Variants in SMG1 observed in about 807,000 individuals in gnomAD.
SMG1 encodes serine/threonine-protein kinase SMG1.
In SMG1, 22 loss-of-function variants were observed where a neutral mutation model predicts 419.9. The ratio of observed to expected loss-of-function variants is 0.05; its 90% confidence interval spans 0.04 to 0.07. The LOEUF (loss-of-function observed/expected upper bound fraction) is 0.07. SMG1 is among the 10% of genes least tolerant of loss of function. The pLI is 1.00. For synonymous variants in SMG1, 1,538 were observed against 1,553.5 expected (o/e 0.99, Z 0.23); for missense variants, 3,185 against 4,342.0 (o/e 0.73, Z 7.49).
intron 33 of SMG1, among the ~76,000 whole-genome samples, chr16:18,851,485 C>G (rs1344542703): frequency 1.3e-5 from 2 of 152,208 alleles, no homozygotes; most frequent in African/African-American, 2.4e-5. Flanking sequence ...AAGCTCACAA[C>G]CAAGGATTAA....
chr16:18,838,987 T>TTTTTG (rs1420215184), intron 42 of SMG1, among the ~76,000 whole-genome samples: 1 of 152,066 alleles, frequency 6.6e-6, no homozygotes, highest in Non-Finnish European at 1.5e-5. Context: ...TTTATTCTTT[T>TTTTTG]TTTTGTTTTG....
chr16:18,852,155 T>C lies in SMG1; in HGVS notation c.4964A>G (p.Asn1655Ser), dbSNP rs757662790. 4.3e-6 allele frequency: 7 copies of C among 1,613,920 alleles called. No individual in the cohort carries two copies. The highest frequency in any genetic ancestry group is 2.2e-5 in the South Asian group (2 of 91,072). Reference sequence around the variant, plus strand: ...CTCAGTTATAGTGTCTGGAAGTAGATTCTGAACTTCAGATTTTTCTCTAGG... The same window carrying C: ...CTCAGTTATAGTGTCTGGAAGTAGACTCTGAACTTCAGATTTTTCTCTAGG... ...LLPREKSEVQNLLPDTITEEE... is the reference protein window; with the variant it reads ...LLPREKSEVQSLLPDTITEEE... Residue 1655 changes from asparagine to serine, a missense_variant, in exon 33 of 63, where the codon AAT becomes AGT. Around this residue, in one of 27 missense-constraint regions of SMG1, gnomAD observed 493 missense variants for 552.9 expected, o/e 0.89. Coordinates refer to ENST00000446231, the MANE Select transcript of SMG1 (RefSeq NM_015092.5).
At position 18,809,076 on chromosome 16, in the gene SMG1, T is replaced by C. The variant is rs1238209834; in HGVS notation, c.*493A>G. 1.2e-5 allele frequency: 2 copies of C among 160,116 alleles called. No homozygotes were observed. Among genetic ancestry groups the C allele is most frequent in the Non-Finnish European group, 2.8e-5 (2 of 72,170 alleles). 9.9% of individuals were successfully genotyped at this position (160,116 alleles called of 1,614,324 possible). A position where few individuals can be genotyped will look rare whatever the true frequency, so the allele number is the denominator to read the frequency against. ...ACTTACTGGTCAACCCAACCAGTAC[T>C]GTTGCCAAGCAACAAGTGTTACACG... On this transcript the variant is annotated 3_prime_UTR_variant, in exon 63 of 63. Transcript: ENST00000446231.
chr16:18,901,360 C>T (rs4992983), intron 1 of SMG1, among the ~76,000 whole-genome samples: 27,957 of 151,732 alleles, frequency 0.18, 2,667 homozygotes, highest in Middle Eastern at 0.25. Flanking sequence ...TGCATGCCAC[C>T]CCATTTAGCT....
chr16:18,810,039 A>G (rs896411990), intron 62 of SMG1, among the ~76,000 whole-genome samples: 6 of 152,132 alleles, frequency 3.9e-5, no homozygotes, highest in Admixed American at 6.5e-5. Flanking sequence ...CAAGAATATA[A>G]TAGTGTTTAA....
intron 25 of SMG1, 164 bp from the exon 26 acceptor site, chr16:18,860,940 A>C: frequency 1.9e-6 from 1 of 515,182 alleles, no homozygotes. Flanking sequence ...TTTTATGTTG[A>C]AGATGTGACT....
intron 31 of SMG1, among the ~76,000 whole-genome samples, chr16:18,852,664 T>C (rs991820124): frequency 6.6e-6 from 1 of 152,222 alleles, no homozygotes; most frequent in East Asian, 1.9e-4. Flanking sequence ...ATGAATTCAT[T>C]AGCTTCCCAA....
At chr16:18,887,516 C>CTTTGGTTTTTT (rs749197007) in intron 6 of SMG1, among the ~76,000 whole-genome samples, 10 of 110,140 alleles carry the variant, frequency 9.1e-5, no homozygotes, top group Non-Finnish European at 1.6e-4. Flanking sequence ...TTTTTTTTTC[C>CTTTGGTTTTTT]TTTTTTTTTT....
Position 18,896,966 on chromosome 16 carries a change from G to A in SMG1, c.93-10C>T, listed in dbSNP as rs756838958. On this transcript the variant is annotated splice_polypyrimidine_tract_variant and intron_variant, in intron 1 of 62. Coordinates refer to ENST00000446231, the MANE Select transcript of SMG1 (RefSeq NM_015092.5). ...TGATGCACTATCAGTTCTATAAAAA[G>A]AGAAAAGTTTAAGATTAGAACTTTA... 4 of 1,518,676 alleles carry A rather than the reference G, an allele frequency of 2.6e-6. No homozygotes were observed. The South Asian group carries it at 3.7e-5, about 14-fold the overall frequency. The allele number at this position is 1,518,676 out of a possible 1,614,324, so 94.1% of individuals were successfully genotyped here. A position where few individuals can be genotyped will look rare whatever the true frequency, so the allele number is the denominator to read the frequency against.
chr16:18,885,253 G>C, intron 7 of SMG1, 91 bp from the exon 8 acceptor site: 1 of 670,224 alleles, frequency 1.5e-6, no homozygotes, highest in Non-Finnish European at 2.5e-6. Flanking sequence ...GATCCTAAAA[G>C]GAGCATCTAT....
intron 1 of SMG1, 121 bp from the exon 2 acceptor site, chr16:18,897,077 T>C (rs1203651670): frequency 2.0e-5 from 13 of 640,306 alleles, no homozygotes; most frequent in East Asian, 2.9e-5. Flanking sequence ...TAATATGTAC[T>C]ATATATTATA....
intron 6 of SMG1, among the ~76,000 whole-genome samples, chr16:18,886,085 C>T (rs1412430957): frequency 6.6e-6 from 1 of 152,086 alleles, no homozygotes; most frequent in Admixed American, 6.6e-5. Flanking sequence ...TAACATTAGT[C>T]CTTAATAACA....
chr16:18,913,025 T>C (rs552052069), intron 1 of SMG1, among the ~76,000 whole-genome samples: 19 of 152,270 alleles, frequency 1.2e-4, no homozygotes, highest in Non-Finnish European at 2.1e-4. Flanking sequence ...CTGGGTGATA[T>C]TGGTGATCAT....
intron 1 of SMG1, 200 bp downstream of exon 1, chr16:18,925,750 A>G: frequency 2.5e-6 from 1 of 394,696 alleles, no homozygotes; most frequent in Non-Finnish European, 4.5e-6. Flanking sequence ...CGGGCTGAAC[A>G]AGCAGGGAGG....
rs952642081 is a variant in SMG1 at position 18,835,284 on chromosome 16, G to C, written c.8058-120C>G. 2.8e-6 allele frequency: 3 copies of C among 1,079,136 alleles called. No individual in the cohort carries two copies. In the African/African-American group the frequency reaches 4.8e-5, roughly 17 times the overall value. The allele number at this position is 1,079,136 out of a possible 1,614,324, so 66.8% of individuals were successfully genotyped here. On this transcript the variant is annotated intron_variant, in intron 48 of 62. Transcript: ENST00000446231. Reference sequence around the variant, plus strand: ...TAGAAATCATTATTTACATTTTACAGATAAAAATGTCTCAAGAGCTTAAGC... The same window carrying C: ...TAGAAATCATTATTTACATTTTACACATAAAAATGTCTCAAGAGCTTAAGC...
chr16:18,830,421 G>A, intron 51 of SMG1, 52 bp from the exon 52 acceptor site: 2 of 1,584,118 alleles, frequency 1.3e-6, no homozygotes, highest in Non-Finnish European at 1.7e-6. Flanking sequence ...AATGCCTTTG[G>A]TGGGAACATA....
Position 18,877,023 on chromosome 16 carries a change from A to G in SMG1, c.1620+108T>C, listed in dbSNP as rs1397764336. ...AATACAATCACTATATTCTAAATCA[A>G]ACATTTCACATTTCACTCAATTTCA... is the stretch of plus-strand genomic sequence containing the variant. On this transcript the variant is annotated intron_variant, in intron 12 of 62. Transcript: ENST00000446231. 6.9e-5 allele frequency: 53 copies of G among 771,166 alleles called. No homozygotes were observed. In the South Asian group the frequency reaches 8.4e-4, roughly 12 times the overall value. The allele number at this position is 771,166 out of a possible 1,614,324, so 47.8% of individuals were successfully genotyped here. A position where few individuals can be genotyped will look rare whatever the true frequency, so the allele number is the denominator to read the frequency against.
chr16:18,887,516 C>CTTTTTTTTTTTTTTT (rs574179061), intron 6 of SMG1, among the ~76,000 whole-genome samples: 28 of 110,104 alleles, frequency 2.5e-4, no homozygotes, highest in East Asian at 2.5e-3. Context: ...TTTTTTTTTC[C>CTTTTTTTTTTTTTTT]TTTTTTTTTT....
chr16:18,896,038 T>C lies in SMG1; in HGVS notation c.412+14A>G. 6.2e-7 allele frequency: 1 copy of C among 1,611,388 alleles called. No individual in the cohort carries two copies. Among genetic ancestry groups the C allele is most frequent in the Non-Finnish European group, 8.5e-7 (1 of 1,179,374 alleles). ...GAAGGTGTATGTGATTGGTCCCCGT[T>C]TTCCCAGCCTTACCCTGTGATTTCC... On this transcript the variant is annotated intron_variant, in intron 3 of 62. Coordinates refer to ENST00000446231, the MANE Select transcript of SMG1 (RefSeq NM_015092.5).
Sources: gnomAD v4.1 joint callset for allele counts (sites outside exome capture counted in the v4.1 genomes callset) on GRCh38, gnomAD v4.1.1 for gene constraint, gnomAD v4.1.1 regional missense constraint, MANE v1.5 for transcripts, NCBI Gene and HGNC (gene_info 2026-07-23, HGNC 2026-07-21) for gene names.